Variants in RAB3IL1 observed in about 807,000 individuals in gnomAD.
The protein encoded by RAB3IL1 is guanine nucleotide exchange factor for Rab-3A.
In RAB3IL1, 37 loss-of-function variants were observed where a neutral mutation model predicts 49.2. The observed-to-expected ratio is 0.75, with a 90% CI of 0.58 to 0.99. The LOEUF (loss-of-function observed/expected upper bound fraction) is 0.99, where lower values mean the gene tolerates loss of function less well. RAB3IL1 is among the 50% of genes least tolerant of loss of function. The pLI is 0.00. For missense variants in RAB3IL1, 484 were observed against 513.0 expected, an observed-to-expected ratio of 0.94 and a Z score of 0.55; for synonymous variants, 193 against 213.9, an observed-to-expected ratio of 0.90 and a Z score of 0.85.
Position 61,904,901 on chromosome 11 carries a change from G to T in RAB3IL1, c.658-19C>A. On this transcript the variant is annotated intron_variant, in intron 5 of 9. Transcript: ENST00000394836. ...TGTCCACCTGTGGGGGAGGGCAAGCGAGGGTGGGGGCGGTCAGGGTACTGG... is the reference window on the plus strand; with the variant it reads ...TGTCCACCTGTGGGGGAGGGCAAGCTAGGGTGGGGGCGGTCAGGGTACTGG... The T allele has an allele frequency of 1.9e-6, 3 of 1,560,396 alleles. No homozygotes were observed. Among genetic ancestry groups the T allele is most frequent in the Non-Finnish European group, 2.6e-6 (3 of 1,148,092 alleles).
the RAB3IL1 span, among the ~76,000 whole-genome samples, chr11:61,938,884 C>G: frequency 6.6e-6 from 1 of 151,750 alleles, no homozygotes; most frequent in Non-Finnish European, 1.5e-5. Flanking sequence ...CAAGATTGTG[C>G]TACTGCTCTC....
the RAB3IL1 span, among the ~76,000 whole-genome samples, chr11:61,929,588 A>G: frequency 7.0e-6 from 1 of 143,508 alleles, no homozygotes; most frequent in Non-Finnish European, 1.6e-5. Flanking sequence ...AGAACCAAGC[A>G]GATTTTTTTT....
At chr11:61,920,154 T>C, upstream of RAB3IL1, 1 of 1,329,160 alleles carries the variant, frequency 7.5e-7, no homozygotes, top group Non-Finnish European at 9.7e-7. Context: ...GACATGTCCC[T>C]CGGGCGGGGC....
In RAB3IL1 at chr11:61,907,559, G is replaced by C. The variant is rs533713482; in HGVS notation, c.360+6C>G. On this transcript the variant is annotated splice_donor_region_variant and intron_variant, in intron 3 of 9. Coordinates refer to ENST00000394836, the MANE Select transcript of RAB3IL1 (RefSeq NM_013401.4). ...CCCAAGTTGTTCCCGCGCCCAGCCG[G>C]TGTACCTCAAACAGGCTGGCCGTCA... is the stretch of plus-strand genomic sequence containing the variant. 2.0e-5 allele frequency: 32 copies of C among 1,614,084 alleles called. 2 individuals are homozygous for C. The South Asian group carries it at 3.3e-4, about 17-fold the overall frequency.
chr11:61,900,408 G>A (rs140336074), intron 8 of RAB3IL1, among the ~76,000 whole-genome samples: 192 of 152,340 alleles, frequency 1.3e-3, no homozygotes, highest in African/African-American at 4.5e-3. Context: ...AGGGGCACCC[G>A]CAGGCTGGGG....
At chr11:61,941,376 GAGA>G in the RAB3IL1 span, among the ~76,000 whole-genome samples, 2 of 152,302 alleles carry the variant, frequency 1.3e-5, no homozygotes, top group Non-Finnish European at 2.9e-5. Context: ...CCAAAAAATA[GAGA>G]AGAATATACT....
Position 61,898,822 on chromosome 11 carries a change from G to A in RAB3IL1, c.1067-462C>T, listed in dbSNP as rs1226633747. 2 of 468,562 alleles carry A rather than the reference G, an allele frequency of 4.3e-6. No individual in the cohort carries two copies. Among genetic ancestry groups the A allele is most frequent in the Non-Finnish European group, 8.5e-6 (2 of 235,616 alleles). The allele number at this position is 468,562 out of a possible 1,614,324, so 29.0% of individuals were successfully genotyped here. A position where few individuals can be genotyped will look rare whatever the true frequency, so the allele number is the denominator to read the frequency against. On this transcript the variant is annotated intron_variant, in intron 9 of 9. Transcript: ENST00000394836. The surrounding 1 kb of genome is among the most constrained non-coding windows in gnomAD (Gnocchi z 5.1). ...CCAAGAGGACTTGACCCCCAGGATG[G>A]AGAGGAGATAGCTCCTTACTCAGAG...
At chr11:61,939,557 CAGAA>C in the RAB3IL1 span, among the ~76,000 whole-genome samples, 1 of 149,574 alleles carries the variant, frequency 6.7e-6, no homozygotes, top group Non-Finnish European at 1.5e-5. Context: ...AGAAAAACAA[CAGAA>C]AGAATCAATG....
chr11:61,937,294 A>G, the RAB3IL1 span, among the ~76,000 whole-genome samples: 1 of 152,134 alleles, frequency 6.6e-6, no homozygotes, highest in Non-Finnish European at 1.5e-5. Context: ...AAATATTATT[A>G]TTTAAATTTT....
At chr11:61,941,957 T>A in the RAB3IL1 span, among the ~76,000 whole-genome samples, 3 of 152,188 alleles carry the variant, frequency 2.0e-5, no homozygotes, top group South Asian at 6.2e-4. Context: ...ATGCCTATAA[T>A]CTTAGCACGT....
chr11:61,911,930 G>A (rs1056216607), intron 1 of RAB3IL1, among the ~76,000 whole-genome samples: 34 of 152,152 alleles, frequency 2.2e-4, no homozygotes, highest in Admixed American at 2.2e-3. Flanking sequence ...CTCTTGCCCC[G>A]ACCCACAAAA....
At chr11:61,919,860 G>A (rs1939852936), upstream of RAB3IL1, among the ~76,000 whole-genome samples, 2 of 152,230 alleles carry the variant, frequency 1.3e-5, no homozygotes, top group Admixed American at 1.3e-4. Flanking sequence ...AGCTCACTGT[G>A]TGACCCAGGA....
At chr11:61,913,445 C>T (rs1591235698) in intron 1 of RAB3IL1, among the ~76,000 whole-genome samples, 1 of 152,126 alleles carries the variant, frequency 6.6e-6, no homozygotes, top group Non-Finnish European at 1.5e-5. Flanking sequence ...AGGTCAGGAA[C>T]AGCTGGGGAT....
chr11:61,913,698 G>T (rs984250851), intron 1 of RAB3IL1, among the ~76,000 whole-genome samples: 1 of 152,262 alleles, frequency 6.6e-6, no homozygotes, highest in African/African-American at 2.4e-5. Flanking sequence ...AATTGACACC[G>T]AAGACCTCCA....
At chr11:61,900,953 A>G (rs1028937913) in intron 8 of RAB3IL1, among the ~76,000 whole-genome samples, 2 of 151,660 alleles carry the variant, frequency 1.3e-5, no homozygotes, top group Non-Finnish European at 2.9e-5. Context: ...TCCACAGGGT[A>G]GGGGCTGCAG....
At chr11:61,938,578 G>A in the RAB3IL1 span, among the ~76,000 whole-genome samples, 1 of 152,202 alleles carries the variant, frequency 6.6e-6, no homozygotes, top group Non-Finnish European at 1.5e-5. Flanking sequence ...AGTCCTCAAA[G>A]TATTTGAAGC....
the RAB3IL1 span, among the ~76,000 whole-genome samples, chr11:61,936,036 AG>A: frequency 4.9e-4 from 74 of 152,134 alleles, 1 homozygote; most frequent in African/African-American, 1.6e-3. Flanking sequence ...AATTCGCTAG[AG>A]GAGGTCAATA....
rs1472101710 is a variant in RAB3IL1 at position 61,917,539 on chromosome 11, A to AGCCCC, written c.-177_-173dup. 38 of 1,110,518 alleles carry AGCCCC rather than the reference A, an allele frequency of 3.4e-5. No homozygotes were observed. Among genetic ancestry groups the AGCCCC allele is most frequent in the Middle Eastern group, 7.8e-4 (2 of 2,578 alleles). 68.8% of individuals were successfully genotyped at this position (1,110,518 alleles called of 1,614,324 possible). The stretch of plus-strand genomic sequence containing the variant: ...CGCCTGGGCTCGCGGCCCCCAGCCC[A>AGCCCC]GCCCCGACCCTGCCCTGGGCGGGTC... On this transcript the variant is annotated 5_prime_UTR_variant, in exon 1 of 10. Coordinates refer to ENST00000394836, the MANE Select transcript of RAB3IL1 (RefSeq NM_013401.4).
chr11:61,944,659 T>G, the RAB3IL1 span, among the ~76,000 whole-genome samples: 1 of 152,070 alleles, frequency 6.6e-6, no homozygotes, highest in Non-Finnish European at 1.5e-5. Context: ...CTTATTTGCC[T>G]GACTGTCCTG....
Sources: allele counts gnomAD v4.1 joint callset (sites outside exome capture counted in the v4.1 genomes callset), GRCh38; gene constraint gnomAD v4.1.1; non-coding constraint Gnocchi (gnomAD v3.1); transcripts MANE v1.5; gene names NCBI Gene and HGNC (gene_info 2026-07-23, HGNC 2026-07-21).